Variants in NTPCR observed in about 807,000 individuals in gnomAD.
NTPCR encodes the protein nucleoside-triphosphatase, cancer-related, also known as cancer-related nucleoside-triphosphatase.
NTPCR carries 15 observed loss-of-function variants against 19.5 expected under a neutral mutation model. The ratio of observed to expected loss-of-function variants is 0.77; its 90% CI spans 0.51 to 1.18. The LOEUF (loss-of-function observed/expected upper bound fraction) is 1.18, where lower values mean the gene tolerates loss of function less well. NTPCR is among the 50% of genes most tolerant of loss of function. The pLI is 0.00. For missense variants in NTPCR, 206 were observed against 240.4 expected, an observed-to-expected ratio of 0.86 and a Z score of 0.95; for synonymous variants, 90 against 95.8, an observed-to-expected ratio of 0.94 and a Z score of 0.36.
chr1:232,963,748 G>GT (rs1393277294), intron 3 of NTPCR: 2 of 151,936 alleles, frequency 1.3e-5, no homozygotes, highest in Admixed American at 6.5e-5. Context: ...AGTTATAAGT[G>GT]TAAGAATAGT....
At chr1:232,973,610 G>A (rs548821669) in intron 4 of NTPCR, among the ~76,000 whole-genome samples, 7 of 152,304 alleles carry the variant, frequency 4.6e-5, no homozygotes, top group African/African-American at 1.7e-4. Flanking sequence ...TCAGATAGTG[G>A]AATTATAGGG....
chr1:232,957,776 T>G (rs1433139751), intron 3 of NTPCR, among the ~76,000 whole-genome samples: 1 of 152,216 alleles, frequency 6.6e-6, no homozygotes, highest in Non-Finnish European at 1.5e-5. Flanking sequence ...AAATTTATAC[T>G]TGTCATGGTC....
intron 3 of NTPCR, chr1:232,967,382 T>C (rs1327340104): frequency 2.0e-5 from 3 of 152,228 alleles, no homozygotes; most frequent in African/African-American, 4.8e-5. Flanking sequence ...AGATTTATTT[T>C]TGAGATTCCT....
At chr1:232,953,936 C>T (rs142877216) in intron 1 of NTPCR, among the ~76,000 whole-genome samples, 68 of 152,290 alleles carry the variant, frequency 4.5e-4, no homozygotes, top group Middle Eastern at 3.4e-3. Flanking sequence ...CCCTTACAAT[C>T]AACATTTAGG....
chr1:232,973,888 A>C (rs925429359), intron 4 of NTPCR, among the ~76,000 whole-genome samples: 4 of 152,234 alleles, frequency 2.6e-5, no homozygotes, highest in Admixed American at 6.5e-5. Context: ...GACTTAAAAG[A>C]AAAAGTAATG....
chr1:232,955,496 C>G (rs868278021), intron 1 of NTPCR, 61 bp from the exon 2 acceptor site: 4 of 1,399,912 alleles, frequency 2.9e-6, no homozygotes, highest in East Asian at 2.5e-5. Context: ...TGTGTGTGCT[C>G]TAGTAAGGGA....
At chr1:232,972,584 C>A (rs144261394) in intron 4 of NTPCR, among the ~76,000 whole-genome samples, 8 of 152,090 alleles carry the variant, frequency 5.3e-5, no homozygotes, top group Non-Finnish European at 1.2e-4. Flanking sequence ...TGCCACCACA[C>A]CTGACTCATT....
intron 4 of NTPCR, among the ~76,000 whole-genome samples, chr1:232,973,286 G>C (rs919878673): frequency 2.0e-5 from 3 of 152,200 alleles, no homozygotes; most frequent in African/African-American, 7.2e-5. Flanking sequence ...ACACAAATTA[G>C]TAATATTATC....
intron 1 of NTPCR, 81 bp downstream of exon 1, chr1:232,950,825 G>GACCCTCCCCGAC: frequency 4.3e-6 from 4 of 924,546 alleles, no homozygotes; most frequent in Non-Finnish European, 6.5e-6. Context: ...TGCTGTCGGG[G>GACCCTCCCCGAC]AGGGTCTCCG....
intron 4 of NTPCR, among the ~76,000 whole-genome samples, chr1:232,973,036 G>A (rs1669026031): frequency 6.6e-6 from 1 of 152,134 alleles, no homozygotes; most frequent in Admixed American, 6.6e-5. Flanking sequence ...AAAGAAGGGA[G>A]AACATTCCAG....
intron 4 of NTPCR, among the ~76,000 whole-genome samples, chr1:232,971,635 G>C (rs6665368): frequency 0.22 from 33,190 of 152,142 alleles, 3,647 homozygotes; most frequent in African/African-American, 0.25. Flanking sequence ...TGACCAAGGC[G>C]CTGCTTTCAT....
At chr1:232,956,697 A>G (rs2102739325) in intron 3 of NTPCR, among the ~76,000 whole-genome samples, 1 of 152,312 alleles carries the variant, frequency 6.6e-6, no homozygotes, top group East Asian at 1.9e-4. Flanking sequence ...CAACATTCCC[A>G]AAGATAAGTC....
intron 4 of NTPCR, among the ~76,000 whole-genome samples, chr1:232,971,322 G>A (rs1668970487): frequency 1.3e-5 from 2 of 152,170 alleles, no homozygotes; most frequent in African/African-American, 2.4e-5. Flanking sequence ...ATCAGGGGGA[G>A]TGGAGAGTGA....
chr1:232,951,049 G>C, intron 1 of NTPCR: 1 of 380,392 alleles, frequency 2.6e-6, no homozygotes, highest in Non-Finnish European at 4.7e-6. Context: ...TGTTGACGTT[G>C]TGGTCTGCAC....
intron 4 of NTPCR, among the ~76,000 whole-genome samples, chr1:232,975,466 A>G (rs1477379198): frequency 6.6e-6 from 1 of 152,238 alleles, no homozygotes; most frequent in Non-Finnish European, 1.5e-5. Context: ...GAAAACATGG[A>G]TGGAGCAGGC....
intron 3 of NTPCR, chr1:232,965,005 T>G (rs1668774642): frequency 6.6e-6 from 1 of 152,218 alleles, no homozygotes; most frequent in African/African-American, 2.4e-5. Context: ...AGAGAAGTCC[T>G]TTTACTTTAT....
At chr1:232,975,885 A>C (rs985366843) in intron 4 of NTPCR, among the ~76,000 whole-genome samples, 8 of 152,192 alleles carry the variant, frequency 5.3e-5, no homozygotes, top group African/African-American at 1.9e-4. Context: ...TCTGCAACCA[A>C]AATTCTGGCT....
chr1:232,966,267 A>T (rs1355046055), intron 3 of NTPCR: 1 of 151,996 alleles, frequency 6.6e-6, no homozygotes, highest in Non-Finnish European at 1.5e-5. Flanking sequence ...TCTGAGAGAC[A>T]CTCCTTATTC....
chr1:232,955,274 G>C (rs2102737652), intron 1 of NTPCR, among the ~76,000 whole-genome samples: 1 of 152,250 alleles, frequency 6.6e-6, no homozygotes, highest in South Asian at 2.1e-4. Context: ...AGTTGATTCT[G>C]GGATTGTGTA....
Sources: gnomAD v4.1 joint callset for allele counts (sites outside exome capture counted in the v4.1 genomes callset) on GRCh38, gnomAD v4.1.1 for gene constraint, MANE v1.5 for transcripts, NCBI Gene and HGNC (gene_info 2026-07-23, HGNC 2026-07-21) for gene names.